The following CACNA1C variants were observed in gnomAD, a reference collection of about 807,000 sequenced individuals.
CACNA1C encodes the protein voltage-dependent L-type calcium channel subunit alpha-1C.
Under a neutral mutation model 229.0 loss-of-function variants are expected in CACNA1C, and 30 were observed. That is an observed-to-expected ratio of 0.13 (90% CI 0.10 to 0.18). The LOEUF (loss-of-function observed/expected upper bound fraction) is 0.18, where lower values mean the gene tolerates loss of function less well. Ranked by LOEUF, CACNA1C falls within the 10% of genes least tolerant of loss-of-function variation. The probability of loss-of-function intolerance (pLI) is 1.00; values close to 1 mark genes in which losing one functional copy is unlikely to be tolerated. For missense variants in CACNA1C, 1,658 were observed against 2,845.0 expected, an observed-to-expected ratio of 0.58 and a Z score of 9.49; for synonymous variants, 1,114 against 1,132.5, an observed-to-expected ratio of 0.98 and a Z score of 0.33.
At chr12:2,060,978 G>C (rs1458622503) in intron 1 of CACNA1C, among the ~76,000 whole-genome samples, 1 of 152,108 alleles carries the variant, frequency 6.6e-6, no homozygotes, top group Admixed American at 6.5e-5. Flanking sequence ...AATAATCTAC[G>C]TTGGGCTAAA....
chr12:2,011,772 T>C (rs998565432), intron 1 of CACNA1C, among the ~76,000 whole-genome samples: 4 of 152,210 alleles, frequency 2.6e-5, no homozygotes, highest in Non-Finnish European at 4.4e-5. Flanking sequence ...CTTCCATTTG[T>C]TGTGTTCCCT....
At chr12:1,993,085 A>G (rs765067438) in intron 1 of CACNA1C, 5 of 837,306 alleles carry the variant, frequency 6.0e-6, no homozygotes, top group Non-Finnish European at 1.0e-5. Flanking sequence ...AACTCTTCCA[A>G]GGAAGAATCT....
chr12:2,420,843 G>A (rs1483538260), intron 3 of CACNA1C, among the ~76,000 whole-genome samples: 1 of 152,212 alleles, frequency 6.6e-6, no homozygotes, highest in Admixed American at 6.5e-5. Flanking sequence ...CACGATCACT[G>A]TGAAGATGGA....
chr12:2,421,938 C>T (rs1223694903), intron 3 of CACNA1C, among the ~76,000 whole-genome samples: 3 of 152,008 alleles, frequency 2.0e-5, no homozygotes, highest in Non-Finnish European at 4.4e-5. Context: ...TCGCAATTCT[C>T]TGTCTCTTGT....
rs1035723448 is a variant in CACNA1C at position 2,597,702 on chromosome 12, C to T, written c.2853+413C>T. Among the ~76,000 whole-genome samples the T allele has an allele frequency of 3.3e-5, 5 of 152,230 alleles. No homozygotes were observed. The highest frequency in any genetic ancestry group is 1.2e-4 in the African/African-American group (5 of 41,448). On this transcript the variant is annotated intron_variant, in intron 21 of 46. Coordinates refer to ENST00000399655, the MANE Select transcript of CACNA1C (RefSeq NM_000719.7). This position sits in a 1 kb window ranked among gnomAD's most constrained non-coding sequence, Gnocchi z 4.3. ...GGAGCAGCCTACCCCACCACAGCTC[C>T]TCCCTCCAGCCACCCCTAAGCAGTC... is the stretch of plus-strand genomic sequence containing the variant.
intron 42 of CACNA1C, chr12:2,680,399 C>T: frequency 6.4e-7 from 1 of 1,559,800 alleles, no homozygotes; most frequent in Non-Finnish European, 8.7e-7. Flanking sequence ...GTGGGACCTT[C>T]CCTCCCGCCC....
intron 13 of CACNA1C, among the ~76,000 whole-genome samples, chr12:2,572,579 TCTC>T (rs1274960202): frequency 5.1e-5 from 3 of 58,846 alleles, no homozygotes; most frequent in African/African-American, 7.2e-5. Context: ...CTCCTTCTCC[TCTC>T]CTCCTCCTTC....
At chr12:2,607,544 CTTTGT>C (rs1037656999) in intron 26 of CACNA1C, 2 of 159,084 alleles carry the variant, frequency 1.3e-5, no homozygotes, top group African/African-American at 4.8e-5. Context: ...GCTGAGATGT[CTTTGT>C]TTTATTTGAC....
At chr12:2,205,823 G>A (rs1392242765) in intron 3 of CACNA1C, among the ~76,000 whole-genome samples, 1 of 152,172 alleles carries the variant, frequency 6.6e-6, no homozygotes, top group Non-Finnish European at 1.5e-5. Context: ...AGCAGATTTG[G>A]TGTCTGGTGA....
At chr12:2,107,361 C>T (rs1445374306) in intron 1 of CACNA1C, among the ~76,000 whole-genome samples, 5 of 56,514 alleles carry the variant, frequency 8.8e-5, no homozygotes, top group African/African-American at 2.0e-4. Context: ...GGCGCCCACC[C>T]CGGGGAGGGT....
At chr12:2,150,883 G>A (rs920310033) in intron 3 of CACNA1C, among the ~76,000 whole-genome samples, 2 of 152,220 alleles carry the variant, frequency 1.3e-5, no homozygotes, top group African/African-American at 4.8e-5. Context: ...CTTGGGAAAT[G>A]CCTCTTGGGA....
At chr12:2,554,144 A>C (rs1293469055) in intron 10 of CACNA1C, among the ~76,000 whole-genome samples, 5 of 152,222 alleles carry the variant, frequency 3.3e-5, no homozygotes, top group Non-Finnish European at 2.9e-5. Flanking sequence ...AAGAAGTTCA[A>C]ATATGTCTCA....
At chr12:2,418,790 C>T (rs542938667) in intron 3 of CACNA1C, among the ~76,000 whole-genome samples, 13 of 152,232 alleles carry the variant, frequency 8.5e-5, no homozygotes, top group Non-Finnish European at 1.5e-4. Flanking sequence ...CAACCTGACA[C>T]GAGCCAGGTT....
chr12:2,399,530 G>A (rs141457404), intron 3 of CACNA1C, among the ~76,000 whole-genome samples: 9 of 152,260 alleles, frequency 5.9e-5, no homozygotes, highest in Non-Finnish European at 1.2e-4. Flanking sequence ...AACCATCCCC[G>A]GCTGAACTCC....
rs1415861150 is a variant in CACNA1C at position 2,678,912 on chromosome 12, G to A, written c.5092-532G>A. ...TGGTTTTAAATCTCTCTGAGTCCCCGAGGGGAAAAAGACCATCATGCAGGA... is the reference window on the plus strand; with the variant it reads ...TGGTTTTAAATCTCTCTGAGTCCCCAAGGGGAAAAAGACCATCATGCAGGA... On this transcript the variant is annotated intron_variant, in intron 41 of 46. Transcript: ENST00000399655. This position sits in a 1 kb window ranked among gnomAD's most constrained non-coding sequence, Gnocchi z 4.1. 2.6e-5 allele frequency among the ~76,000 whole-genome samples: 4 copies of A among 152,230 alleles called. No individual in the cohort carries two copies. Among genetic ancestry groups the A allele is most frequent in the South Asian group, 2.1e-4 (1 of 4,826 alleles).
At chr12:2,615,347 A>C (rs1486463933) in intron 29 of CACNA1C, among the ~76,000 whole-genome samples, 2 of 152,264 alleles carry the variant, frequency 1.3e-5, no homozygotes, top group African/African-American at 4.8e-5. Context: ...AGATTTGATA[A>C]ACTGAAAAAT....
chr12:2,682,468 G>A lies in CACNA1C; in HGVS notation c.5445-82G>A. On this transcript the variant is annotated intron_variant, in intron 42 of 46. Transcript: ENST00000399655. ...CACGTGTGTACACCTGCATGTGTGT[G>A]CGTGTGTGATGCTTTACTTGCTGAA... 3.3e-6 allele frequency: 5 copies of A among 1,517,046 alleles called. No homozygotes were observed. The South Asian group carries it at 6.0e-5, about 18-fold the overall frequency. 94.0% of individuals were successfully genotyped at this position (1,517,046 alleles called of 1,614,324 possible).
chr12:2,598,655 G>A (rs7311147), intron 21 of CACNA1C, among the ~76,000 whole-genome samples: 74,119 of 152,070 alleles, frequency 0.49, 21,314 homozygotes, highest in Non-Finnish European at 0.63. Flanking sequence ...ACACCTAACC[G>A]ATGCCACTGC....
chr12:2,450,381 C>T (rs572907913), intron 4 of CACNA1C, among the ~76,000 whole-genome samples: 76 of 151,578 alleles, frequency 5.0e-4, no homozygotes, highest in South Asian at 1.5e-3. Context: ...GGTGAAACCC[C>T]GTCTCTACTA....
Sources: gnomAD v4.1 joint callset for allele counts (sites outside exome capture counted in the v4.1 genomes callset) on GRCh38, gnomAD v4.1.1 for gene constraint, Gnocchi (gnomAD v3.1) non-coding constraint, MANE v1.5 for transcripts, NCBI Gene and HGNC (gene_info 2026-07-23, HGNC 2026-07-21) for gene names.